SMCO1: variants seen among roughly 807,000 people sequenced by gnomAD.
SMCO1 encodes the protein single-pass membrane and coiled-coil domain-containing protein 1.
In SMCO1, 9 loss-of-function variants were observed where a neutral mutation model predicts 7.5. That is an observed-to-expected ratio of 1.20 (90% CI 0.72 to 2.09). The LOEUF is 2.09. SMCO1 is among the 30% of genes most tolerant of loss of function. SMCO1 has a pLI of 0.00. For synonymous variants in SMCO1, 90 were observed against 93.8 expected (o/e 0.96, Z 0.23); for missense variants, 219 against 253.1 (o/e 0.87, Z 0.91).
chr3:196,516,497 T>C (rs147085109), upstream of SMCO1, among the ~76,000 whole-genome samples: 570 of 152,252 alleles, frequency 3.7e-3, 6 homozygotes, highest in African/African-American at 0.013. Context: ...AAGATTCATA[T>C]AAGAAAAAGA....
chr3:196,516,515 C>G (rs1427611901), upstream of SMCO1, among the ~76,000 whole-genome samples: 3 of 152,226 alleles, frequency 2.0e-5, no homozygotes, highest in East Asian at 5.8e-4. Context: ...AGAAAATAAC[C>G]ACACCATTTA....
At chr3:196,514,776 T>C (rs964474554) in intron 1 of SMCO1, among the ~76,000 whole-genome samples, 1 of 152,214 alleles carries the variant, frequency 6.6e-6, no homozygotes, top group Non-Finnish European at 1.5e-5. Context: ...GGAGTCTTGC[T>C]CTGTTGCCAG....
Position 196,508,180 on chromosome 3 carries a change from C to T in SMCO1, c.352G>A (p.Val118Ile), listed in dbSNP as rs753888428. 4.2e-5 allele frequency: 67 copies of T among 1,614,062 alleles called. No individual in the cohort carries two copies. The highest frequency in any genetic ancestry group is 1.6e-4 in the Middle Eastern group (1 of 6,084). ...AGTATGGACTCCCATACAACTCTAA[C>T]GCGCTTGTTCTTAACTTTTCTTCTG... ...VLRRKVKNKR[V>I]RVVWESILEE... The change falls in exon 3 of 3, where the codon GTT (valine) becomes ATT (isoleucine). Residue 118 changes from valine (V) to isoleucine (I), a missense_variant. By Grantham distance (29) the Val-to-Ile change is conservative. Coordinates refer to ENST00000397537, the MANE Select transcript of SMCO1 (RefSeq NM_001077657.3).
At chr3:196,517,789 CT>C (rs1285788727), upstream of SMCO1, among the ~76,000 whole-genome samples, 3 of 149,910 alleles carry the variant, frequency 2.0e-5, no homozygotes, top group African/African-American at 7.5e-5. Context: ...CCTGCCTCAG[CT>C]CCCCTAGTAG....
At chr3:196,510,690 GC>G (rs1048209908) in intron 1 of SMCO1, among the ~76,000 whole-genome samples, 3 of 151,848 alleles carry the variant, frequency 2.0e-5, no homozygotes, top group African/African-American at 4.8e-5. Flanking sequence ...TGATCTCCTT[GC>G]CCCCCTGCGT....
At chr3:196,516,090 AAT>A (rs1211314976), upstream of SMCO1, among the ~76,000 whole-genome samples, 12 of 141,664 alleles carry the variant, frequency 8.5e-5, no homozygotes, top group African/African-American at 2.5e-4. Context: ...TCGTATATAA[AAT>A]ATATATATAA....
At chr3:196,515,986 AGG>A (rs1491301044), upstream of SMCO1, among the ~76,000 whole-genome samples, 34 of 15,758 alleles carry the variant, frequency 2.2e-3, 2 homozygotes, top group East Asian at 0.01. Flanking sequence ...GCAAGAGGAT[AGG>A]ATATATATAT....
At position 196,509,639 on chromosome 3, in the gene SMCO1, T is replaced by C; in HGVS notation, c.81A>G (p.Thr27=). The change falls in exon 2 of 3, where the codon ACA becomes ACG. Residue 27 remains threonine (T), a synonymous_variant. Coordinates refer to ENST00000397537, the MANE Select transcript of SMCO1 (RefSeq NM_001077657.3). ...TGGTGAAGTCTAGTTCTTTGAACTGTGTTTCTAACGCTTGGAGTTTGTGGT... is the reference window on the plus strand; with the variant it reads ...TGGTGAAGTCTAGTTCTTTGAACTGCGTTTCTAACGCTTGGAGTTTGTGGT... ...RVDHKLQALE[T]QFKELDFTKD... 6.2e-7 allele frequency: 1 copy of C among 1,614,150 alleles called. No homozygotes were observed. Among genetic ancestry groups the C allele is most frequent in the African/African-American group, 1.3e-5 (1 of 75,054 alleles).
At chr3:196,514,074 G>A (rs911350865) in intron 1 of SMCO1, among the ~76,000 whole-genome samples, 5 of 152,070 alleles carry the variant, frequency 3.3e-5, no homozygotes, top group African/African-American at 1.2e-4. Context: ...CTGGACCCCC[G>A]TTTTCCATTT....
At chr3:196,515,047 A>G (rs569023220) in intron 1 of SMCO1, 113 bp downstream of exon 1, 725 of 1,310,456 alleles carry the variant, frequency 5.5e-4, no homozygotes, top group Non-Finnish European at 7.7e-4. Context: ...CCACAGAGAC[A>G]GAATTCTAAT....
intron 1 of SMCO1, among the ~76,000 whole-genome samples, chr3:196,514,206 C>T (rs1733323102): frequency 6.6e-6 from 1 of 152,172 alleles, no homozygotes; most frequent in African/African-American, 2.4e-5. Flanking sequence ...AACTGGATCT[C>T]CTCAGCAGGA....
Position 196,512,787 on chromosome 3 carries a change from C to T in SMCO1, c.50+2373G>A, listed in dbSNP as rs142729819. On this transcript the variant is annotated intron_variant, in intron 1 of 2. Coordinates refer to ENST00000397537, the MANE Select transcript of SMCO1 (RefSeq NM_001077657.3). The stretch of plus-strand genomic sequence containing the variant: ...CCTCCCAAAGTTCTGGGATTACAGG[C>T]GTGAGCCACCGCACCCGGCCTAGAG... Among the ~76,000 whole-genome samples the T allele has an allele frequency of 2.7e-3, 409 of 152,088 alleles. 2 individuals carry two copies. Among genetic ancestry groups the T allele is most frequent in the African/African-American group, 9.6e-3 (397 of 41,480 alleles).
rs749897707 is a variant in SMCO1 at position 196,515,226 on chromosome 3, GAAAGA to G, written c.-22_-18del. On this transcript the variant is annotated 5_prime_UTR_variant, in exon 1 of 3. Coordinates refer to ENST00000397537, the MANE Select transcript of SMCO1 (RefSeq NM_001077657.3). The stretch of plus-strand genomic sequence containing the variant: ...ATTGTTCATCTTCTGAAGGCAAAAG[GAAAGA>G]AAACAAAAACAAAGCAAAACAAAAA... 6 of 1,585,400 alleles carry G rather than the reference GAAAGA, an allele frequency of 3.8e-6. No individual in the cohort carries two copies. The East Asian group carries it at 1.3e-4, about 35-fold the overall frequency.
intron 2 of SMCO1, among the ~76,000 whole-genome samples, chr3:196,509,216 ATTTT>A (rs35933912): frequency 2.8e-5 from 3 of 108,012 alleles, no homozygotes; most frequent in African/African-American, 1.1e-4. Flanking sequence ...CACCCGGCTA[ATTTT>A]TTTTTTTTTT....
intron 2 of SMCO1, 124 bp from the exon 3 acceptor site, chr3:196,508,455 A>G: frequency 1.4e-6 from 1 of 715,190 alleles, no homozygotes; most frequent in Admixed American, 3.5e-5. Context: ...AATTTAGAAA[A>G]TATTTACTTT....
intron 1 of SMCO1, among the ~76,000 whole-genome samples, chr3:196,510,164 G>T (rs1733181071): frequency 6.6e-6 from 1 of 151,954 alleles, no homozygotes; most frequent in Non-Finnish European, 1.5e-5. Flanking sequence ...TAGAGACCAG[G>T]TATTGCTATG....
At chr3:196,515,816 CAG>C (rs1733368517), upstream of SMCO1, among the ~76,000 whole-genome samples, 1 of 150,716 alleles carries the variant, frequency 6.6e-6, no homozygotes, top group Non-Finnish European at 1.5e-5. Flanking sequence ...GCCTGGGCCA[CAG>C]AGCGAGACTG....
intron 2 of SMCO1, 150 bp downstream of exon 2, chr3:196,509,370 A>T: frequency 1.3e-6 from 1 of 777,488 alleles, no homozygotes; most frequent in Non-Finnish European, 2.0e-6. Context: ...GGCCAAATTA[A>T]TCTTTTTTTA....
At chr3:196,518,035 A>G (rs571833118), upstream of SMCO1, among the ~76,000 whole-genome samples, 1 of 152,258 alleles carries the variant, frequency 6.6e-6, no homozygotes, top group African/African-American at 2.4e-5. Flanking sequence ...AGGTTCACCC[A>G]ATATGGCAGT....
Sources: gnomAD v4.1 joint callset for allele counts (sites outside exome capture counted in the v4.1 genomes callset) on GRCh38, gnomAD v4.1.1 for gene constraint, MANE v1.5 for transcripts, NCBI Gene and HGNC (gene_info 2026-07-23, HGNC 2026-07-21) for gene names.